Variants in WNT9A observed in about 807,000 individuals in gnomAD.
The protein encoded by WNT9A is protein Wnt-9a.
WNT9A carries 8 observed loss-of-function variants against 31.4 expected under a neutral mutation model. The observed-to-expected ratio is 0.26, with a 90% confidence interval of 0.15 to 0.46. The LOEUF (loss-of-function observed/expected upper bound fraction) is 0.46, where lower values mean the gene tolerates loss of function less well. Among genes scored for constraint, WNT9A ranks in the 20% least tolerant of loss-of-function variants. The probability of loss-of-function intolerance (pLI) is 0.99; values close to 1 mark genes in which losing one functional copy is unlikely to be tolerated. For synonymous variants in WNT9A, 236 were observed against 220.1 expected, an observed-to-expected ratio of 1.07 and a Z score of -0.64; for missense variants, 457 against 522.9, an observed-to-expected ratio of 0.87 and a Z score of 1.23.
At position 227,921,231 on chromosome 1, in the gene WNT9A, A is replaced by G. The variant is rs3795767; in HGVS notation, c.*287T>C. 244,168 of 408,270 alleles carry G rather than the reference A, an allele frequency of 0.6. 74,638 individuals are homozygous for G. Among genetic ancestry groups the G allele is most frequent in the East Asian group, 0.7 (15,629 of 22,298 alleles). 25.3% of individuals were successfully genotyped at this position (408,270 alleles called of 1,614,324 possible). On this transcript the variant is annotated 3_prime_UTR_variant, in exon 4 of 4. Coordinates refer to ENST00000272164, the MANE Select transcript of WNT9A (RefSeq NM_003395.4). ...GCCTGTGCCATGTGCAGCAGGGCTGACTGGGCCCAGGGATTCAGCCTTGGC... is the reference window on the plus strand; with the variant it reads ...GCCTGTGCCATGTGCAGCAGGGCTGGCTGGGCCCAGGGATTCAGCCTTGGC...
chr1:227,945,062 G>A (rs2102732907), intron 1 of WNT9A, among the ~76,000 whole-genome samples: 1 of 152,328 alleles, frequency 6.6e-6, no homozygotes, highest in Non-Finnish European at 1.5e-5. Flanking sequence ...CAGGAGAGAA[G>A]CAGCCCCGGC....
At chr1:227,929,397 A>G (rs964781431) in intron 1 of WNT9A, among the ~76,000 whole-genome samples, 3 of 152,222 alleles carry the variant, frequency 2.0e-5, no homozygotes, top group Non-Finnish European at 4.4e-5. Flanking sequence ...ATATCTAGGA[A>G]ACTTTAAAAA....
chr1:227,927,172 C>T (rs372812775), intron 1 of WNT9A, among the ~76,000 whole-genome samples: 1 of 152,182 alleles, frequency 6.6e-6, no homozygotes, highest in East Asian at 1.9e-4. Flanking sequence ...GGACCTGCAA[C>T]GGCCCCCATC....
intron 1 of WNT9A, among the ~76,000 whole-genome samples, chr1:227,940,039 A>C (rs1666666671): frequency 6.6e-6 from 1 of 152,132 alleles, no homozygotes; most frequent in African/African-American, 2.4e-5. Context: ...CTGCCAGGTG[A>C]AGCATCCTCG....
chr1:227,924,531 C>T (rs1421487428), intron 2 of WNT9A, 131 bp from the exon 3 acceptor site: 11 of 1,357,586 alleles, frequency 8.1e-6, no homozygotes, highest in East Asian at 5.1e-5. Context: ...GTGCTGCACT[C>T]GGGACAGGGT....
In WNT9A at chr1:227,930,598, C is replaced by T. The variant is rs759656528; in HGVS notation, c.96-5079G>A. On this transcript the variant is annotated intron_variant, in intron 1 of 3. Transcript: ENST00000272164. ...CCCCGGTTTGCATAAAGGTGGCAGC[C>T]GCCATCCTGGTCTTGCTCTTCATCT... Among the ~76,000 whole-genome samples the T allele has an allele frequency of 7.0e-4, 107 of 152,196 alleles. 1 individual carries two copies. The highest frequency in any genetic ancestry group is 5.4e-4 in the Non-Finnish European group (37 of 68,044).
chr1:227,930,289 G>A (rs1274447125), intron 1 of WNT9A, among the ~76,000 whole-genome samples: 1 of 152,164 alleles, frequency 6.6e-6, no homozygotes, highest in Admixed American at 6.6e-5. Context: ...AGGAGTGGGT[G>A]GATAAGCTCA....
In WNT9A at chr1:227,928,353, C is replaced by G. The variant is rs550503496; in HGVS notation, c.96-2834G>C. 5.9e-5 allele frequency among the ~76,000 whole-genome samples: 9 copies of G among 152,050 alleles called. No individual in the cohort carries two copies. Among genetic ancestry groups the G allele is most frequent in the Admixed American group, 3.3e-4 (5 of 15,294 alleles). On this transcript the variant is annotated intron_variant, in intron 1 of 3. Transcript: ENST00000272164. This position sits in a 1 kb window ranked among gnomAD's most constrained non-coding sequence, Gnocchi z 4.5. The stretch of plus-strand genomic sequence containing the variant: ...GCCAGGCAGGGTGGGCAGGGTGGGC[C>G]GTTGGCACTGTCAGAAGGGTGTGGA...
rs1338808994 is a variant in WNT9A, at chr1:227,925,052, C to T, written c.352+211G>A. On this transcript the variant is annotated intron_variant, in intron 2 of 3. Transcript: ENST00000272164. The surrounding 1 kb of genome is among the most constrained non-coding windows in gnomAD (Gnocchi z 6.0). ...GTCAGCATGCCCTGGCCACCAGCAA[C>T]GACTGTGCGTGTGCCTAAAGCAAGG... Among the ~76,000 whole-genome samples, 3 of 152,220 alleles carry T rather than the reference C, an allele frequency of 2.0e-5. No homozygotes were observed. The highest frequency in any genetic ancestry group is 6.5e-5 in the Admixed American group (1 of 15,292).
intron 1 of WNT9A, among the ~76,000 whole-genome samples, chr1:227,934,124 G>A (rs1161712601): frequency 6.6e-6 from 1 of 152,170 alleles, no homozygotes; most frequent in Non-Finnish European, 1.5e-5. Context: ...CCATTTTCCA[G>A]CTTTCATACC....
chr1:227,929,062 C>T (rs188095383), intron 1 of WNT9A, among the ~76,000 whole-genome samples: 183 of 152,096 alleles, frequency 1.2e-3, no homozygotes, highest in African/African-American at 3.0e-3. Context: ...ACAAAGGAAC[C>T]GACTGAAGAC....
Position 227,919,920 on chromosome 1 carries a change from A to T in WNT9A, c.*1598T>A, listed in dbSNP as rs1666281024. 1 of 152,386 alleles carries T rather than the reference A, an allele frequency of 6.6e-6. No homozygotes were observed. Among genetic ancestry groups the T allele is most frequent in the Admixed American group, 6.5e-5 (1 of 15,280 alleles). 9.4% of individuals were successfully genotyped at this position (152,386 alleles called of 1,614,324 possible). On this transcript the variant is annotated 3_prime_UTR_variant, in exon 4 of 4. Coordinates refer to ENST00000272164, the MANE Select transcript of WNT9A (RefSeq NM_003395.4). ...GCAGGTCACCCTGTCCCCAGCACAC[A>T]CAACAGCAGGGCCATAAAGCATGGC...
intron 1 of WNT9A, among the ~76,000 whole-genome samples, chr1:227,946,525 G>C (rs1666795756): frequency 6.6e-6 from 1 of 152,356 alleles, no homozygotes; most frequent in African/African-American, 2.4e-5. Context: ...CCAGGCCCAG[G>C]GCCGTACCCA....
intron 1 of WNT9A, among the ~76,000 whole-genome samples, chr1:227,947,297 TTC>T (rs755227751): frequency 7.7e-4 from 116 of 151,124 alleles, no homozygotes; most frequent in Non-Finnish European, 1.3e-3. Flanking sequence ...CTTGGAGGAT[TTC>T]TCTCTTTCTC....
chr1:227,943,042 G>A (rs1572136499), intron 1 of WNT9A, among the ~76,000 whole-genome samples: 1 of 152,204 alleles, frequency 6.6e-6, no homozygotes, highest in Non-Finnish European at 1.5e-5. Context: ...CAGAGAGGCA[G>A]AGCCATGGGA....
chr1:227,929,694 C>T (rs998539544), intron 1 of WNT9A, among the ~76,000 whole-genome samples: 3 of 152,180 alleles, frequency 2.0e-5, no homozygotes, highest in South Asian at 2.1e-4. Flanking sequence ...ATTAGCCAGG[C>T]GCAGTGGTGC....
chr1:227,922,867 A>G (rs1353674821), intron 3 of WNT9A, among the ~76,000 whole-genome samples: 1 of 151,786 alleles, frequency 6.6e-6, no homozygotes, highest in Non-Finnish European at 1.5e-5. Context: ...CGGCTCAAGG[A>G]GGATTAAGAA....
At chr1:227,932,316 C>T (rs1368772075) in intron 1 of WNT9A, among the ~76,000 whole-genome samples, 1 of 152,186 alleles carries the variant, frequency 6.6e-6, no homozygotes, top group Non-Finnish European at 1.5e-5. Context: ...ACTTGTCATC[C>T]ATTCACATTT....
At chr1:227,946,235 T>A (rs1163651537) in intron 1 of WNT9A, among the ~76,000 whole-genome samples, 1 of 152,228 alleles carries the variant, frequency 6.6e-6, no homozygotes, top group African/African-American at 2.4e-5. Flanking sequence ...TGACCTTCTC[T>A]AGGGCACAAA....
Sources: gnomAD v4.1 joint callset for allele counts (sites outside exome capture counted in the v4.1 genomes callset) on GRCh38, gnomAD v4.1.1 for gene constraint, Gnocchi (gnomAD v3.1) non-coding constraint, MANE v1.5 for transcripts, NCBI Gene and HGNC (gene_info 2026-07-23, HGNC 2026-07-21) for gene names.